KIF18A: variants seen among roughly 807,000 people sequenced by gnomAD.
KIF18A encodes kinesin-like protein KIF18A.
In KIF18A, 67 loss-of-function variants were observed where a neutral mutation model predicts 103.3. The observed-to-expected ratio is 0.65, with a 90% CI of 0.53 to 0.79. The LOEUF (loss-of-function observed/expected upper bound fraction) is 0.79, where lower values mean the gene tolerates loss of function less well. KIF18A is among the 30% of genes least tolerant of loss of function. KIF18A has a pLI of 0.00. For missense variants in KIF18A, 1,032 were observed against 1,062.5 expected (o/e 0.97, Z 0.40); for synonymous variants, 367 against 355.5 (o/e 1.03, Z -0.36).
In KIF18A at chr11:28,059,088, C is replaced by T. The variant is rs774687614; in HGVS notation, c.1786G>A (p.Ala596Thr). ...TLKEAGLSNA[A>T]FESDFKEIEH... ...ATCTCTTTGAAGTCAGATTCAAAAG[C>T]AGCATTTGACAGGCCGGCTTCTTTT... Residue 596 changes from alanine (A) to threonine (T), a missense_variant, in exon 13 of 17, where the codon GCT becomes ACT. Ala to Thr is a moderately conservative substitution (Grantham distance 58). Coordinates refer to ENST00000263181, the MANE Select transcript of KIF18A (RefSeq NM_031217.4). The T allele has an allele frequency of 5.0e-6, 8 of 1,613,882 alleles. No individual in the cohort carries two copies. In the African/African-American group the frequency reaches 6.7e-5, roughly 13 times the overall value.
intron 15 of KIF18A, among the ~76,000 whole-genome samples, chr11:28,034,036 C>G (rs1430976728): frequency 2.0e-5 from 3 of 151,714 alleles, no homozygotes; most frequent in African/African-American, 4.8e-5. Context: ...CACTAATACT[C>G]TCTTCTGCTG....
chr11:28,030,597 A>G (rs1406546782), intron 15 of KIF18A, among the ~76,000 whole-genome samples: 1 of 151,918 alleles, frequency 6.6e-6, no homozygotes, highest in Non-Finnish European at 1.5e-5. Context: ...AACCTAGGCA[A>G]TACCATTCAG....
At chr11:28,048,238 T>G (rs577928582) in intron 13 of KIF18A, among the ~76,000 whole-genome samples, 1 of 152,136 alleles carries the variant, frequency 6.6e-6, no homozygotes, top group Non-Finnish European at 1.5e-5. Context: ...GTATACATAC[T>G]GTTTGATTAA....
At position 28,062,473 on chromosome 11, in the gene KIF18A, T is replaced by C. The variant is rs754424793; in HGVS notation, c.1634A>G (p.Asn545Ser). ...TCTAATTTGTGCTTTCAAATCTTTG[T>C]TCTGGAGGTGCAAATGGTGACAATG... ...DLHCHHLHLQ[N>S]KDLKAQIRHM... Residue 545 changes from asparagine to serine, a missense_variant, in exon 12 of 17, where the codon AAC becomes AGC. Asn to Ser is a conservative substitution (Grantham distance 46). Coordinates refer to ENST00000263181, the MANE Select transcript of KIF18A (RefSeq NM_031217.4). The C allele has an allele frequency of 6.2e-7, 1 of 1,611,884 alleles. No individual in the cohort carries two copies. The highest frequency in any genetic ancestry group is 2.2e-5 in the East Asian group (1 of 44,756).
chr11:28,061,203 C>G (rs189786133), intron 12 of KIF18A, among the ~76,000 whole-genome samples: 29 of 152,204 alleles, frequency 1.9e-4, no homozygotes, highest in Admixed American at 1.8e-3. Flanking sequence ...GTATTATAAT[C>G]TATTCATAAC....
intron 7 of KIF18A, among the ~76,000 whole-genome samples, chr11:28,084,025 T>G (rs1415497426): frequency 6.6e-6 from 1 of 152,112 alleles, no homozygotes; most frequent in Non-Finnish European, 1.5e-5. Context: ...CATACATATT[T>G]TGATATACAT....
chr11:28,034,005 A>T (rs542242679), intron 15 of KIF18A, among the ~76,000 whole-genome samples: 1 of 151,712 alleles, frequency 6.6e-6, no homozygotes, highest in East Asian at 1.9e-4. Context: ...AAAAAGTAAA[A>T]AACAAATCCA....
intron 9 of KIF18A, among the ~76,000 whole-genome samples, chr11:28,078,766 A>G (rs924164444): frequency 5.9e-5 from 9 of 152,080 alleles, no homozygotes; most frequent in Admixed American, 1.3e-4. Flanking sequence ...GATAGACAGA[A>G]AATACTGCAG....
intron 3 of KIF18A, among the ~76,000 whole-genome samples, chr11:28,093,454 G>C (rs1851328982): frequency 6.6e-6 from 1 of 152,016 alleles, no homozygotes; most frequent in African/African-American, 2.4e-5. Flanking sequence ...ATGAAATCAG[G>C]GTTTTTATGT....
chr11:28,062,067 T>C (rs1214762610), intron 12 of KIF18A, among the ~76,000 whole-genome samples: 1 of 152,104 alleles, frequency 6.6e-6, no homozygotes, highest in Non-Finnish European at 1.5e-5. Context: ...AGCAATTGCT[T>C]CTAAGTGGAG....
chr11:28,059,853 T>C (rs773764534), intron 12 of KIF18A, among the ~76,000 whole-genome samples: 12 of 152,118 alleles, frequency 7.9e-5, no homozygotes, highest in Non-Finnish European at 1.8e-4. Context: ...CTATGTGAAA[T>C]GATGAGACAT....
rs111829950 is a variant in KIF18A, at chr11:28,096,632, G to C, written c.325+991C>G. ...AGGAAAAGAATATCTTCTTAAAAAT[G>C]GGAATCACAGTAGTACCAATCAATA... is the stretch of plus-strand genomic sequence containing the variant. On this transcript the variant is annotated intron_variant, in intron 2 of 16. Coordinates refer to ENST00000263181, the MANE Select transcript of KIF18A (RefSeq NM_031217.4). Among the ~76,000 whole-genome samples, 99 of 152,206 alleles carry C rather than the reference G, an allele frequency of 6.5e-4. 1 individual carries two copies. Among genetic ancestry groups the C allele is most frequent in the African/African-American group, 2.3e-3 (95 of 41,528 alleles).
chr11:28,099,046 TACA>T (rs1428754745), intron 1 of KIF18A, among the ~76,000 whole-genome samples: 1 of 152,190 alleles, frequency 6.6e-6, no homozygotes, highest in African/African-American at 2.4e-5. Flanking sequence ...CCATGTTCGC[TACA>T]ACATTATTCA....
chr11:28,070,841 G>C (rs2133540147), intron 10 of KIF18A, among the ~76,000 whole-genome samples: 1 of 152,062 alleles, frequency 6.6e-6, no homozygotes, highest in Non-Finnish European at 1.5e-5. Flanking sequence ...AGAAGTGCAA[G>C]ACCATCCTGG....
At position 28,091,406 on chromosome 11, in the gene KIF18A, T is replaced by C; in HGVS notation, c.588+3A>G. 3 of 1,504,458 alleles carry C rather than the reference T, an allele frequency of 2.0e-6. No individual in the cohort carries two copies. Among genetic ancestry groups the C allele is most frequent in the Non-Finnish European group, 2.8e-6 (3 of 1,082,474 alleles). 93.2% of individuals were successfully genotyped at this position (1,504,458 alleles called of 1,614,324 possible). A position where few individuals can be genotyped will look rare whatever the true frequency, so the allele number is the denominator to read the frequency against. Reference sequence around the variant, plus strand: ...ACAGGGAAAAAGATGTTTATATACATACCTGGTGTAAAGTAAGTCCATGAA... The same window carrying C: ...ACAGGGAAAAAGATGTTTATATACACACCTGGTGTAAAGTAAGTCCATGAA... On this transcript the variant is annotated splice_donor_region_variant and intron_variant, in intron 4 of 16. Coordinates refer to ENST00000263181, the MANE Select transcript of KIF18A (RefSeq NM_031217.4).
At chr11:28,048,486 TATC>T (rs1174499000) in intron 13 of KIF18A, among the ~76,000 whole-genome samples, 1 of 152,096 alleles carries the variant, frequency 6.6e-6, no homozygotes, top group African/African-American at 2.4e-5. Context: ...AGAGGCTGGT[TATC>T]AACTATATAT....
At position 28,021,043 on chromosome 11, in the gene KIF18A, C is replaced by G; in HGVS notation, c.*157G>C. On this transcript the variant is annotated 3_prime_UTR_variant, in exon 17 of 17. Coordinates refer to ENST00000263181, the MANE Select transcript of KIF18A (RefSeq NM_031217.4). ...TTTTTTAGAACACAAAAGAAGAAAA[C>G]AAAGAGTTTCATTTTTCTGCTTGCT... is the stretch of plus-strand genomic sequence containing the variant. 1 of 579,386 alleles carries G rather than the reference C, an allele frequency of 1.7e-6. No individual in the cohort carries two copies. Among genetic ancestry groups the G allele is most frequent in the Non-Finnish European group, 2.5e-6 (1 of 406,458 alleles). 35.9% of individuals were successfully genotyped at this position (579,386 alleles called of 1,614,324 possible). A position where few individuals can be genotyped will look rare whatever the true frequency, so the allele number is the denominator to read the frequency against.
intron 1 of KIF18A, among the ~76,000 whole-genome samples, chr11:28,107,188 A>T (rs1851533712): frequency 6.6e-6 from 1 of 152,302 alleles, no homozygotes; most frequent in African/African-American, 2.4e-5. Context: ...ACGAAACAGG[A>T]GGCTAGACGT....
chr11:28,063,241 G>A lies in KIF18A; in HGVS notation c.1591-725C>T, dbSNP rs1404440499. Among the ~76,000 whole-genome samples the A allele has an allele frequency of 5.3e-5, 8 of 151,894 alleles. No individual in the cohort carries two copies. The East Asian group carries it at 1.2e-3, about 22-fold the overall frequency. ...CAGCCTTTATGGAGATCAGTTTACT[G>A]GACTAAAATTTAAGAGCTGGATCAG... On this transcript the variant is annotated intron_variant, in intron 11 of 16. Coordinates refer to ENST00000263181, the MANE Select transcript of KIF18A (RefSeq NM_031217.4).
Sources: gnomAD v4.1 joint callset for allele counts (sites outside exome capture counted in the v4.1 genomes callset) on GRCh38, gnomAD v4.1.1 for gene constraint, MANE v1.5 for transcripts, NCBI Gene and HGNC (gene_info 2026-07-23, HGNC 2026-07-21) for gene names.